Variants in GRIK1 observed in about 807,000 individuals in gnomAD.
GRIK1 encodes the protein glutamate ionotropic receptor kainate type subunit 1, also known as glutamate receptor ionotropic, kainate 1.
In GRIK1, 69 loss-of-function variants were observed where a neutral mutation model predicts 105.7. The ratio of observed to expected loss-of-function variants is 0.65; its 90% CI spans 0.54 to 0.80. GRIK1 has a LOEUF of 0.80. Ranked by LOEUF, GRIK1 falls within the 30% of genes least tolerant of loss-of-function variation. The pLI is 0.00. For synonymous variants in GRIK1, 438 were observed against 431.3 expected (o/e 1.02, Z -0.19); for missense variants, 1,109 against 1,167.3 (o/e 0.95, Z 0.73).
chr21:29,560,496 TTTCCTTCCTTCCTTCC>T (rs772236978), intron 15 of GRIK1, among the ~76,000 whole-genome samples: 4,582 of 29,716 alleles, frequency 0.15, 737 homozygotes, highest in Admixed American at 0.18. Context: ...TCTTTCTTTC[TTTCCTTCCTTCCTTCC>T]TTCCTTCCTT....
chr21:29,797,599 A>G (rs1454133885), intron 1 of GRIK1, among the ~76,000 whole-genome samples: 1 of 152,198 alleles, frequency 6.6e-6, no homozygotes, highest in Non-Finnish European at 1.5e-5. Flanking sequence ...TTTATAGTTA[A>G]TCTATGACAT....
intron 1 of GRIK1, among the ~76,000 whole-genome samples, chr21:29,784,497 C>A (rs1457654950): frequency 6.6e-6 from 1 of 152,042 alleles, no homozygotes; most frequent in African/African-American, 2.4e-5. Flanking sequence ...AGTATTTAAT[C>A]TTTGTCTAGG....
Position 29,795,955 on chromosome 21 carries a change from C to T in GRIK1, c.119-101892G>A, listed in dbSNP as rs189289860. On this transcript the variant is annotated intron_variant, in intron 1 of 17. Coordinates refer to ENST00000327783, the MANE Select transcript of GRIK1 (RefSeq NM_001330994.2). ...TTGTCAAAATCATACTTCTTCAATT[C>T]ATTTGCCTACTCCATGACTACTGGA... Among the ~76,000 whole-genome samples, 157 of 152,216 alleles carry T rather than the reference C, an allele frequency of 1.0e-3. 1 individual carries two copies. The highest frequency in any genetic ancestry group is 4.1e-4 in the Non-Finnish European group (28 of 68,026).
intron 1 of GRIK1, among the ~76,000 whole-genome samples, chr21:29,834,615 G>A (rs2067730159): frequency 4.6e-5 from 7 of 150,804 alleles, no homozygotes; most frequent in Admixed American, 4.6e-4. Context: ...GGCTCTGGCA[G>A]CATACTCTAC....
At chr21:29,796,735 G>A (rs1188605146) in intron 1 of GRIK1, among the ~76,000 whole-genome samples, 1 of 152,098 alleles carries the variant, frequency 6.6e-6, no homozygotes, top group East Asian at 1.9e-4. Context: ...GATCACTTGA[G>A]GCCAAAAGTT....
At chr21:29,832,104 A>T (rs2067658802) in intron 1 of GRIK1, among the ~76,000 whole-genome samples, 1 of 152,168 alleles carries the variant, frequency 6.6e-6, no homozygotes, top group Non-Finnish European at 1.5e-5. Flanking sequence ...AAGCTCCAAA[A>T]TAATCTTCTT....
intron 1 of GRIK1, chr21:29,761,562 A>T (rs550584478): frequency 6.6e-6 from 1 of 152,336 alleles, no homozygotes; most frequent in Non-Finnish European, 1.5e-5. Flanking sequence ...ATATTAAGAT[A>T]AATATTTTTT....
At position 29,692,581 on chromosome 21, in the gene GRIK1, G is replaced by A. The variant is rs1486669477; in HGVS notation, c.286+1315C>T. On this transcript the variant is annotated intron_variant, in intron 2 of 17. Coordinates refer to ENST00000327783, the MANE Select transcript of GRIK1 (RefSeq NM_001330994.2). Reference sequence around the variant, plus strand: ...AAATATTATGTTGTTAATGTTTTTTGTTTTGTTTTTGAGACGGAGTCTCGC... The same window carrying A: ...AAATATTATGTTGTTAATGTTTTTTATTTTGTTTTTGAGACGGAGTCTCGC... Among the ~76,000 whole-genome samples the A allele has an allele frequency of 3.9e-5, 6 of 152,114 alleles. 1 individual carries two copies. In the South Asian group the frequency reaches 1.2e-3, roughly 32 times the overall value.
intron 1 of GRIK1, among the ~76,000 whole-genome samples, chr21:29,780,665 A>T (rs2066070140): frequency 6.6e-6 from 1 of 152,230 alleles, no homozygotes; most frequent in South Asian, 2.1e-4. Flanking sequence ...GTGGCTCAGC[A>T]TCATTTTATC....
At chr21:29,621,844 C>T (rs971829102) in intron 7 of GRIK1, among the ~76,000 whole-genome samples, 6 of 152,192 alleles carry the variant, frequency 3.9e-5, no homozygotes, top group Admixed American at 6.5e-5. Flanking sequence ...GATCATAGCA[C>T]TACTGGAGAA....
chr21:29,831,906 G>T (rs1038729680), intron 1 of GRIK1, among the ~76,000 whole-genome samples: 1 of 152,006 alleles, frequency 6.6e-6, no homozygotes, highest in Non-Finnish European at 1.5e-5. Context: ...AATCTCATCT[G>T]GGACAAGGTA....
intron 4 of GRIK1, among the ~76,000 whole-genome samples, chr21:29,662,033 C>T (rs1366999018): frequency 6.6e-6 from 1 of 152,202 alleles, no homozygotes; most frequent in Non-Finnish European, 1.5e-5. Flanking sequence ...AGATATTCCA[C>T]AAAGAGTTGA....
intron 13 of GRIK1, among the ~76,000 whole-genome samples, chr21:29,580,017 G>A (rs1601171609): frequency 7.0e-6 from 1 of 142,678 alleles, no homozygotes; most frequent in Non-Finnish European, 1.5e-5. Flanking sequence ...GTATATATAT[G>A]TGTATATATG....
chr21:29,681,983 A>G (rs531448894), intron 3 of GRIK1, among the ~76,000 whole-genome samples: 1 of 152,232 alleles, frequency 6.6e-6, no homozygotes, highest in Non-Finnish European at 1.5e-5. Context: ...GTGCCAGGGT[A>G]ACCTCTTGGG....
rs954630294 is a variant in GRIK1 at position 29,851,141 on chromosome 21, G to T, written c.118+88242C>A. 4.0e-5 allele frequency among the ~76,000 whole-genome samples: 6 copies of T among 151,000 alleles called. No individual in the cohort carries two copies. In the East Asian group the frequency reaches 1.2e-3, roughly 29 times the overall value. ...AAGATCTTGGCTCACTGCAACCTCCGCCTCCCAGGTCCAATCAATTCTCCT... is the reference window on the plus strand; with the variant it reads ...AAGATCTTGGCTCACTGCAACCTCCTCCTCCCAGGTCCAATCAATTCTCCT... On this transcript the variant is annotated intron_variant, in intron 1 of 17. Transcript: ENST00000327783.
At chr21:29,825,449 A>C (rs2067425013) in intron 1 of GRIK1, among the ~76,000 whole-genome samples, 1 of 152,128 alleles carries the variant, frequency 6.6e-6, no homozygotes, top group South Asian at 2.1e-4. Flanking sequence ...GAATCTTGAT[A>C]TCTGTGATGC....
At chr21:29,744,646 C>T (rs2065007398) in intron 1 of GRIK1, among the ~76,000 whole-genome samples, 4 of 151,720 alleles carry the variant, frequency 2.6e-5, no homozygotes, top group African/African-American at 9.7e-5. Context: ...ATTCAGGTCT[C>T]AGGATAGACT....
intron 1 of GRIK1, among the ~76,000 whole-genome samples, chr21:29,757,627 A>T (rs567465582): frequency 6.6e-6 from 1 of 152,202 alleles, no homozygotes; most frequent in Non-Finnish European, 1.5e-5. Flanking sequence ...TTCTTTCTCA[A>T]AGAAGCCAGT....
At chr21:29,834,780 C>A (rs2067736866) in intron 1 of GRIK1, among the ~76,000 whole-genome samples, 1 of 149,038 alleles carries the variant, frequency 6.7e-6, no homozygotes, top group African/African-American at 2.5e-5. Context: ...AATTAATATT[C>A]ATCCAATATT....
Sources: gnomAD v4.1 joint callset for allele counts (sites outside exome capture counted in the v4.1 genomes callset) on GRCh38, gnomAD v4.1.1 for gene constraint, MANE v1.5 for transcripts, NCBI Gene and HGNC (gene_info 2026-07-23, HGNC 2026-07-21) for gene names.